SNTG1: variants seen among roughly 807,000 people sequenced by gnomAD.
SNTG1 encodes syntrophin gamma 1.
A neutral mutation model predicts 74.7 loss-of-function variants in SNTG1; 39 were observed. The observed-to-expected ratio is 0.52, with a 90% CI of 0.40 to 0.68. SNTG1 has a LOEUF of 0.68. Among genes scored for constraint, SNTG1 ranks in the 30% least tolerant of loss-of-function variants. The probability of loss-of-function intolerance (pLI) is 0.00; values close to 1 mark genes in which losing one functional copy is unlikely to be tolerated. For synonymous variants in SNTG1, 254 were observed against 217.1 expected (o/e 1.17, Z -1.49); for missense variants, 685 against 609.5 (o/e 1.12, Z -1.30).
intron 1 of SNTG1, among the ~76,000 whole-genome samples, chr8:50,033,029 G>T (rs1186464380): frequency 2.0e-5 from 3 of 150,872 alleles, no homozygotes; most frequent in South Asian, 2.1e-4. Context: ...TAAATCTTGG[G>T]TTTGTTTTAG....
At position 50,691,580 on chromosome 8, in the gene SNTG1, A is replaced by C. The variant is rs1016092234; in HGVS notation, c.1039-13020A>C. Among the ~76,000 whole-genome samples, 367 of 152,100 alleles carry C rather than the reference A, an allele frequency of 2.4e-3. 5 individuals are homozygous for C. The highest frequency in any genetic ancestry group is 5.3e-4 in the Non-Finnish European group (36 of 68,000). Reference sequence around the variant, plus strand: ...TTAAGAATGTTGAATATTGGTCCCCACTCTCTTCTGGCTTGTAGAGTTTCT... The same window carrying C: ...TTAAGAATGTTGAATATTGGTCCCCCCTCTCTTCTGGCTTGTAGAGTTTCT... On this transcript the variant is annotated intron_variant, in intron 15 of 18. Transcript: ENST00000642720.
chr8:50,080,702 T>C (rs1456351004), intron 1 of SNTG1, among the ~76,000 whole-genome samples: 1 of 152,190 alleles, frequency 6.6e-6, no homozygotes. Flanking sequence ...GGTTACATGA[T>C]CTTTGCTGCA....
intron 2 of SNTG1, among the ~76,000 whole-genome samples, chr8:50,341,057 T>G (rs2091301931): frequency 6.6e-6 from 1 of 151,938 alleles, no homozygotes; most frequent in African/African-American, 2.4e-5. Flanking sequence ...GAGTTTTACT[T>G]AATTCAGCTG....
At chr8:50,597,047 G>A (rs2094732212) in intron 13 of SNTG1, among the ~76,000 whole-genome samples, 1 of 151,614 alleles carries the variant, frequency 6.6e-6, no homozygotes, top group Admixed American at 6.6e-5. Flanking sequence ...ACCCACAGGC[G>A]AACCTCTCCC....
At chr8:50,721,103 C>T (rs920046192) in intron 17 of SNTG1, among the ~76,000 whole-genome samples, 1 of 152,176 alleles carries the variant, frequency 6.6e-6, no homozygotes, top group Non-Finnish European at 1.5e-5. Flanking sequence ...AGCATTAATA[C>T]AACTTCACCT....
At chr8:50,190,794 G>T (rs1318531936) in intron 2 of SNTG1, among the ~76,000 whole-genome samples, 1 of 152,076 alleles carries the variant, frequency 6.6e-6, no homozygotes, top group Admixed American at 6.6e-5. Context: ...GTCATTTGGG[G>T]GTGGATAGTG....
chr8:50,628,817 A>G (rs1431826834), intron 13 of SNTG1, among the ~76,000 whole-genome samples: 1 of 152,166 alleles, frequency 6.6e-6, no homozygotes, highest in Non-Finnish European at 1.5e-5. Flanking sequence ...ACAAATATTG[A>G]GGTATCTTTG....
intron 2 of SNTG1, among the ~76,000 whole-genome samples, chr8:50,183,595 C>T (rs2083283873): frequency 6.6e-6 from 1 of 152,072 alleles, no homozygotes; most frequent in Non-Finnish European, 1.5e-5. Flanking sequence ...ATTTACATAC[C>T]TTCCCAGCGT....
chr8:50,172,698 A>G (rs1238099975), intron 2 of SNTG1, 63 bp downstream of exon 2: 1 of 151,792 alleles, frequency 6.6e-6, no homozygotes, highest in African/African-American at 2.4e-5. Flanking sequence ...CAACTGTATT[A>G]GTCTACACTT....
intron 1 of SNTG1, among the ~76,000 whole-genome samples, chr8:49,958,566 G>A (rs1264243223): frequency 2.0e-5 from 3 of 151,878 alleles, no homozygotes; most frequent in African/African-American, 4.8e-5. Context: ...GACTACAGGC[G>A]CCTGCCACCA....
intron 9 of SNTG1, among the ~76,000 whole-genome samples, chr8:50,509,203 T>A (rs1364938508): frequency 6.6e-6 from 1 of 152,222 alleles, no homozygotes; most frequent in Non-Finnish European, 1.5e-5. Context: ...CTTGTTTTTG[T>A]CAGGTTTGTC....
At chr8:49,999,969 A>T (rs1005747642) in intron 1 of SNTG1, among the ~76,000 whole-genome samples, 2 of 152,136 alleles carry the variant, frequency 1.3e-5, no homozygotes, top group Non-Finnish European at 2.9e-5. Flanking sequence ...GGCTTAATAC[A>T]TATTGTTGAA....
At chr8:50,055,701 A>T (rs1392958866) in intron 1 of SNTG1, among the ~76,000 whole-genome samples, 1 of 151,950 alleles carries the variant, frequency 6.6e-6, no homozygotes, top group East Asian at 1.9e-4. Context: ...TTTTCTCAGT[A>T]CCTCTCCCCT....
rs574821847 is a variant in SNTG1, at chr8:50,593,033, T to C, written c.849+2116T>C. On this transcript the variant is annotated intron_variant, in intron 13 of 18. Coordinates refer to ENST00000642720, the MANE Select transcript of SNTG1 (RefSeq NM_018967.5). ...AATCTGAGCCAGTTTTAAAAACACA[T>C]ATAATCCCATTTCTGATGATATCTA... Among the ~76,000 whole-genome samples, 5 of 152,286 alleles carry C rather than the reference T, an allele frequency of 3.3e-5. No individual in the cohort carries two copies. In the South Asian group the frequency reaches 8.3e-4, roughly 25 times the overall value.
At chr8:50,051,433 G>T (rs1819565765) in intron 1 of SNTG1, among the ~76,000 whole-genome samples, 1 of 152,106 alleles carries the variant, frequency 6.6e-6, no homozygotes, top group Admixed American at 6.6e-5. Flanking sequence ...AAATGCTTAT[G>T]AATAAATTTA....
intron 8 of SNTG1, among the ~76,000 whole-genome samples, chr8:50,454,716 C>T (rs2093487668): frequency 6.6e-6 from 1 of 150,736 alleles, no homozygotes; most frequent in African/African-American, 2.4e-5. Flanking sequence ...GTGGCGCACG[C>T]CTGTAATCCC....
chr8:50,109,095 A>G (rs563455636), intron 1 of SNTG1, among the ~76,000 whole-genome samples: 123 of 152,276 alleles, frequency 8.1e-4, no homozygotes, highest in African/African-American at 2.9e-3. Context: ...GACAACAGAG[A>G]CACTTTCCAC....
chr8:50,381,013 A>T (rs939275726), intron 2 of SNTG1: 1 of 152,136 alleles, frequency 6.6e-6, no homozygotes, highest in African/African-American at 2.4e-5. Flanking sequence ...CTTAGGCTAG[A>T]GCTTTCCATG....
chr8:50,648,139 A>G (rs1373201512), intron 13 of SNTG1, among the ~76,000 whole-genome samples: 1 of 152,172 alleles, frequency 6.6e-6, no homozygotes, highest in Non-Finnish European at 1.5e-5. Flanking sequence ...GCAAACATGT[A>G]GATATATCCC....
Sources: allele counts gnomAD v4.1 joint callset (sites outside exome capture counted in the v4.1 genomes callset), GRCh38; gene constraint gnomAD v4.1.1; transcripts MANE v1.5; gene names NCBI Gene and HGNC (gene_info 2026-07-23, HGNC 2026-07-21).